The following DOCK8 variants were observed in gnomAD, a reference collection of about 807,000 sequenced individuals.
DOCK8 encodes dedicator of cytokinesis 8.
Under a neutral mutation model 245.6 loss-of-function variants are expected in DOCK8, and 141 were observed. The observed-to-expected ratio is 0.57, with a 90% CI of 0.50 to 0.66. The LOEUF (loss-of-function observed/expected upper bound fraction) is 0.66. Ranked by LOEUF, DOCK8 falls within the 30% of genes least tolerant of loss-of-function variation. The pLI is 0.00. For synonymous variants in DOCK8, 1,168 were observed against 970.2 expected (o/e 1.20, Z -3.79); for missense variants, 2,965 against 2,603.4 (o/e 1.14, Z -3.02).
intron 31 of DOCK8, 96 bp downstream of exon 31, chr9:420,679 C>T: frequency 2.0e-6 from 3 of 1,490,212 alleles, no homozygotes; most frequent in Non-Finnish European, 2.8e-6. Context: ...ATGGAGGCAT[C>T]ATTAATTTTT....
intron 4 of DOCK8, among the ~76,000 whole-genome samples, chr9:300,554 G>T (rs1377905006): frequency 1.3e-5 from 2 of 151,236 alleles, no homozygotes; most frequent in African/African-American, 4.9e-5. Context: ...GAAACCAAAA[G>T]TTTGTGATTC....
Position 464,445 on chromosome 9 carries a change from G to C in DOCK8, c.*226G>C, listed in dbSNP as rs538665027. 226 of 610,916 alleles carry C rather than the reference G, an allele frequency of 3.7e-4. No homozygotes were observed. Among genetic ancestry groups the C allele is most frequent in the African/African-American group, 3.7e-3 (200 of 54,240 alleles). The allele number at this position is 610,916 out of a possible 1,614,324, so 37.8% of individuals were successfully genotyped here. ...TGGCGGGATGGAGGATGGGTACTCA[G>C]GCATGACTGCGTATTTATTAAAGTG... On this transcript the variant is annotated 3_prime_UTR_variant, in exon 48 of 48. Coordinates refer to ENST00000432829, the MANE Select transcript of DOCK8 (RefSeq NM_203447.4).
chr9:355,863 G>C (rs549531085), intron 14 of DOCK8, among the ~76,000 whole-genome samples: 14 of 152,166 alleles, frequency 9.2e-5, no homozygotes, highest in Non-Finnish European at 1.9e-4. Flanking sequence ...ACAGAGTACT[G>C]AGTGAAATGG....
intron 1 of DOCK8, among the ~76,000 whole-genome samples, chr9:245,427 C>G (rs990186225): frequency 6.6e-6 from 1 of 152,056 alleles, no homozygotes; most frequent in South Asian, 2.1e-4. Context: ...AGGCTGGTCT[C>G]GAACTCCTGA....
chr9:300,392 T>C (rs574946747), intron 4 of DOCK8, among the ~76,000 whole-genome samples: 94 of 152,286 alleles, frequency 6.2e-4, no homozygotes, highest in African/African-American at 2.2e-3. Context: ...TGGTGGTTTT[T>C]CTATAGTTCA....
At chr9:432,728 G>A (rs1030048376) in intron 37 of DOCK8, among the ~76,000 whole-genome samples, 2 of 152,182 alleles carry the variant, frequency 1.3e-5, no homozygotes, top group African/African-American at 4.8e-5. Context: ...ATTCCGCTAG[G>A]CAGGGGAAAA....
chr9:337,422 C>A (rs9298948), intron 12 of DOCK8, among the ~76,000 whole-genome samples: 12,343 of 152,110 alleles, frequency 0.081, 868 homozygotes, highest in African/African-American at 0.19. Context: ...CTTGTGATAC[C>A]AACTATCCTA....
chr9:212,599 AAC>A (rs2046637739), upstream of DOCK8, among the ~76,000 whole-genome samples: 1 of 152,268 alleles, frequency 6.6e-6, no homozygotes, highest in Admixed American at 6.5e-5. Flanking sequence ...ATTAATGGAT[AAC>A]ACATTCATGG....
chr9:261,149 C>T (rs889162488), intron 1 of DOCK8, among the ~76,000 whole-genome samples: 1 of 151,436 alleles, frequency 6.6e-6, no homozygotes, highest in African/African-American at 2.4e-5. Flanking sequence ...GGGTACCTGG[C>T]AGACAGGAGT....
intron 14 of DOCK8, among the ~76,000 whole-genome samples, chr9:343,013 G>A (rs2051685760): frequency 6.6e-6 from 1 of 152,062 alleles, no homozygotes; most frequent in Non-Finnish European, 1.5e-5. Flanking sequence ...TTTTACATTT[G>A]CAGTCCTAAC....
intron 4 of DOCK8, among the ~76,000 whole-genome samples, chr9:289,905 G>GTA (rs960528517): frequency 1.3e-5 from 2 of 152,182 alleles, no homozygotes; most frequent in Admixed American, 6.6e-5. Flanking sequence ...GTAATGACAT[G>GTA]TATATGCCTT....
At chr9:368,893 A>G (rs1387333326) in intron 15 of DOCK8, 4 of 134,836 alleles carry the variant, frequency 3.0e-5, no homozygotes, top group African/African-American at 1.1e-4. Context: ...CGCAACCTCC[A>G]CCTCCCAAGT....
At chr9:242,453 G>A (rs2047396894) in intron 1 of DOCK8, among the ~76,000 whole-genome samples, 1 of 152,060 alleles carries the variant, frequency 6.6e-6, no homozygotes, top group Non-Finnish European at 1.5e-5. Flanking sequence ...TTATGTTAAA[G>A]GAAAAAGCTA....
chr9:398,977 C>T (rs573498006), intron 25 of DOCK8, among the ~76,000 whole-genome samples, 169 bp from the exon 26 acceptor site: 35 of 152,282 alleles, frequency 2.3e-4, no homozygotes, highest in Middle Eastern at 3.4e-3. Context: ...GATTCAACCT[C>T]ACAGTCATGG....
At chr9:445,613 C>T (rs4740765) in intron 43 of DOCK8, among the ~76,000 whole-genome samples, 24,584 of 152,154 alleles carry the variant, frequency 0.16, 2,720 homozygotes, top group East Asian at 0.45. Context: ...AAATACTTCC[C>T]GTGCCCATTG....
Position 337,121 on chromosome 9 carries a change from G to C in DOCK8, c.1422+403G>C, listed in dbSNP as rs148721037. 7.0e-4 allele frequency among the ~76,000 whole-genome samples: 107 copies of C among 152,228 alleles called. 2 individuals carry two copies. The East Asian group carries it at 0.018, about 26-fold the overall frequency. On this transcript the variant is annotated intron_variant, in intron 12 of 47. Transcript: ENST00000432829. ...TCTGTGAATGGATTAATCCAGTCATGAGGGCAGAGTCCTCATGATTCAATC... is the reference window on the plus strand; with the variant it reads ...TCTGTGAATGGATTAATCCAGTCATCAGGGCAGAGTCCTCATGATTCAATC...
chr9:319,894 G>C (rs969937858), intron 7 of DOCK8, among the ~76,000 whole-genome samples: 7 of 152,220 alleles, frequency 4.6e-5, no homozygotes. Flanking sequence ...GCTCTTAGGA[G>C]TCTTCTTGAT....
At chr9:390,965 G>C (rs1563999543) in intron 24 of DOCK8, among the ~76,000 whole-genome samples, 1 of 152,194 alleles carries the variant, frequency 6.6e-6, no homozygotes, top group Non-Finnish European at 1.5e-5. Flanking sequence ...GCACTGAGAA[G>C]AAAGCACAAA....
At chr9:327,207 C>T (rs867926234) in intron 8 of DOCK8, among the ~76,000 whole-genome samples, 4 of 152,180 alleles carry the variant, frequency 2.6e-5, no homozygotes, top group African/African-American at 9.7e-5. Context: ...TCACCTTCCA[C>T]CCCTGCCTAT....
Sources: gnomAD v4.1 joint callset for allele counts (sites outside exome capture counted in the v4.1 genomes callset) on GRCh38, gnomAD v4.1.1 for gene constraint, MANE v1.5 for transcripts, NCBI Gene and HGNC (gene_info 2026-07-23, HGNC 2026-07-21) for gene names.